Variants in LSR observed in about 807,000 individuals in gnomAD.
The protein encoded by LSR is lipolysis stimulated lipoprotein receptor.
Under a neutral mutation model 61.8 loss-of-function variants are expected in LSR, and 44 were observed. The ratio of observed to expected loss-of-function variants is 0.71; its 90% confidence interval spans 0.56 to 0.91. The LOEUF (loss-of-function observed/expected upper bound fraction) is 0.91, where lower values mean the gene tolerates loss of function less well. Among genes scored for constraint, LSR ranks in the 40% least tolerant of loss-of-function variants. LSR has a pLI of 0.00. For synonymous variants in LSR, 397 were observed against 350.6 expected (o/e 1.13, Z -1.48); for missense variants, 911 against 830.5 (o/e 1.10, Z -1.19).
chr19:35,259,204 CCA>C, intron 3 of LSR, 140 bp downstream of exon 3: 1 of 1,136,330 alleles, frequency 8.8e-7, no homozygotes, highest in Non-Finnish European at 1.2e-6. Flanking sequence ...CCAGGCTCTG[CCA>C]GTCACTTAGG....
At chr19:35,259,705 A>G (rs1344070134) in intron 3 of LSR, among the ~76,000 whole-genome samples, 1 of 151,986 alleles carries the variant, frequency 6.6e-6, no homozygotes, top group African/African-American at 2.4e-5. Flanking sequence ...ATGGTGTGCA[A>G]AATCGACCCA....
rs757095036 is a variant in LSR, at chr19:35,249,044, C to T, written c.22C>T (p.Leu8Phe). ...CGCGATGGCGCTGTTGGCCGGCGGG[C>T]TCTCCAGAGGGCTGGGCTCCCACCC... MALLAGG[L>F]SRGLGSHPAA... The change falls in exon 1 of 10, where the codon CTC (leucine) becomes TTC (phenylalanine). Residue 8 changes from leucine (L) to phenylalanine (F), a missense_variant. By Grantham distance (22) the Leu-to-Phe change is conservative (BLOSUM62 0). Transcript: ENST00000605618. The T allele has an allele frequency of 5.0e-6, 8 of 1,590,722 alleles. No homozygotes were observed. The East Asian group carries it at 1.4e-4, about 27-fold the overall frequency.
Position 35,249,033 on chromosome 19 carries a change from T to C in LSR, c.11T>C (p.Leu4Ser), listed in dbSNP as rs766929220. 6 of 1,598,820 alleles carry C rather than the reference T, an allele frequency of 3.8e-6. No individual in the cohort carries two copies. The African/African-American group carries it at 4.0e-5, about 11-fold the overall frequency. ...GCCCAGACGGCCGCGATGGCGCTGT[T>C]GGCCGGCGGGCTCTCCAGAGGGCTG... MALLAGGLSRGLGS... is the reference protein window; with the variant it reads MALSAGGLSRGLGS... Residue 4 changes from leucine to serine, a missense_variant, in exon 1 of 10, where the codon TTG becomes TCG. Transcript: ENST00000605618.
intron 2 of LSR, 73 bp downstream of exon 2, chr19:35,250,732 T>C: frequency 8.3e-7 from 1 of 1,197,920 alleles, no homozygotes; most frequent in Non-Finnish European, 1.1e-6. Context: ...GTGCGGGACC[T>C]GGAGTCCCCA....
At chr19:35,260,855 C>CAT (rs1491166930) in intron 3 of LSR, among the ~76,000 whole-genome samples, 2 of 151,738 alleles carry the variant, frequency 1.3e-5, no homozygotes, top group African/African-American at 4.8e-5. Context: ...CACACACACA[C>CAT]GCATATAGTC....
In LSR at chr19:35,266,416, C is replaced by T. The variant is rs775389479; in HGVS notation, c.836C>T (p.Thr279Ile). 1 of 1,611,620 alleles carries T rather than the reference C, an allele frequency of 6.2e-7. No individual in the cohort carries two copies. Among genetic ancestry groups the T allele is most frequent in the East Asian group, 2.2e-5 (1 of 44,874 alleles). ...GTTCCCAGCATTTATGCCCCCAGCA[C>T]CTATGCCCACCTGTCTCCCGCCAAG... ...SGVPSIYAPS[T>I]YAHLSPAKTP... is the part of the protein sequence containing the mutation. Residue 279 changes from threonine to isoleucine, a missense_variant, in exon 6 of 10, where the codon ACC becomes ATC. By Grantham distance (89) the Thr-to-Ile change is moderately conservative (BLOSUM62 -1). Coordinates refer to ENST00000605618, the MANE Select transcript of LSR (RefSeq NM_205834.4).
Position 35,250,583 on chromosome 19 carries a change from G to A in LSR, c.378G>A (p.Arg126=), listed in dbSNP as rs372440043. The change falls in exon 2 of 10, where the codon AGG becomes AGA. Residue 126 remains arginine (R), a synonymous_variant. Transcript: ENST00000605618. The stretch of plus-strand genomic sequence containing the variant: ...GCCAGGACAGCGTGCGCACCGTCAG[G>A]GTCGTGGCCACCAAGCAGGGCAACG... ...VECQDSVRTV[R]VVATKQGNAV... The A allele has an allele frequency of 3.7e-6, 6 of 1,611,996 alleles. No homozygotes were observed. The highest frequency in any genetic ancestry group is 2.2e-5 in the South Asian group (2 of 90,928).
chr19:35,250,190 C>A (rs1599587604), intron 1 of LSR, 125 bp from the exon 2 acceptor site: 1 of 590,900 alleles, frequency 1.7e-6, no homozygotes, highest in East Asian at 2.9e-5. Context: ...AATTAAGGAA[C>A]AATGTGTGCC....
At chr19:35,262,314 T>C (rs998137749) in intron 4 of LSR, among the ~76,000 whole-genome samples, 1 of 152,012 alleles carries the variant, frequency 6.6e-6, no homozygotes, top group African/African-American at 2.4e-5. Context: ...CTGCCTTGTG[T>C]TTTTTGCACC....
intron 5 of LSR, chr19:35,264,548 A>C (rs2065972461): frequency 6.6e-6 from 1 of 152,316 alleles, no homozygotes; most frequent in Non-Finnish European, 1.5e-5. Context: ...CGGGGACCAC[A>C]GCTGTTGCCA....
rs775065591 is a variant in LSR at position 35,267,005 on chromosome 19, G to T, written c.1144+38G>T. The T allele has an allele frequency of 1.7e-5, 27 of 1,583,334 alleles. 1 individual carries two copies. The South Asian group carries it at 2.3e-4, about 14-fold the overall frequency. On this transcript the variant is annotated intron_variant, in intron 8 of 9. Coordinates refer to ENST00000605618, the MANE Select transcript of LSR (RefSeq NM_205834.4). The stretch of plus-strand genomic sequence containing the variant: ...CTTGGGGTCTGAGGGCTTTTAAGGT[G>T]GGGGGGTGAAACATGTCTCCCTGAT...
At chr19:35,250,757 A>T in intron 2 of LSR, 98 bp downstream of exon 2, 2 of 836,370 alleles carry the variant, frequency 2.4e-6, no homozygotes, top group Non-Finnish European at 3.6e-6. Flanking sequence ...AAAGCTCTTG[A>T]GTGCCAGTGT....
rs912336484 is a variant in LSR, at chr19:35,249,390, A to G, written c.109+259A>G. ...GACGGTGAGACCCGGAGCGGCAGGG[A>G]GAATGGAACTCTTTGTGGGGAGGGA... On this transcript the variant is annotated intron_variant, in intron 1 of 9. Coordinates refer to ENST00000605618, the MANE Select transcript of LSR (RefSeq NM_205834.4). 14 of 496,552 alleles carry G rather than the reference A, an allele frequency of 2.8e-5. No homozygotes were observed. In the Admixed American group the frequency reaches 5.8e-4, roughly 21 times the overall value. The allele number at this position is 496,552 out of a possible 1,614,324, so 30.8% of individuals were successfully genotyped here.
chr19:35,262,628 GCA>G lies in LSR; in HGVS notation c.718_719del (p.Thr240LeufsTer73). On this transcript the variant is annotated frameshift_variant, in exon 5 of 10. Transcript: ENST00000605618. LOFTEE classifies it high-confidence loss of function. Reference protein sequence around the residue: ...LGICWCQCCPHTCCCYVRCPC... With the variant: ...LGICWCQCCPXTCCCYVRCPC... The stretch of plus-strand genomic sequence containing the variant: ...GCATCTGCTGGTGCCAGTGCTGCCC[GCA>G]CACTTGCTGCTGCTACGTCAGGTGC... 6.2e-7 allele frequency: 1 copy of G among 1,614,088 alleles called. No individual in the cohort carries two copies. The highest frequency in any genetic ancestry group is 8.5e-7 in the Non-Finnish European group (1 of 1,180,014).
intron 2 of LSR, chr19:35,253,459 G>A (rs970750234): frequency 4.6e-5 from 7 of 152,880 alleles, no homozygotes; most frequent in African/African-American, 1.7e-4. Flanking sequence ...CAGGGTGCCA[G>A]GGATGAAGGC....
At chr19:35,264,324 CTA>C (rs1568446884) in intron 5 of LSR, 1 of 152,074 alleles carries the variant, frequency 6.6e-6, no homozygotes, top group African/African-American at 2.4e-5. Context: ...GGACCTAACT[CTA>C]TGAGAGGAGT....
intron 2 of LSR, 137 bp downstream of exon 2, chr19:35,250,796 T>TC (rs2145490514): frequency 9.4e-6 from 1 of 105,996 alleles, no homozygotes; most frequent in Non-Finnish European, 1.7e-5. Flanking sequence ...GGAGCAATTC[T>TC]TTTTTTTTTT....
At chr19:35,262,473 A>G (rs946574115) in intron 4 of LSR, 73 bp from the exon 5 acceptor site, 7 of 1,551,670 alleles carry the variant, frequency 4.5e-6, no homozygotes, top group Non-Finnish European at 6.2e-6. Context: ...GCTCCGCACC[A>G]TGTACCCCTG....
intron 1 of LSR, chr19:35,249,497 A>C: frequency 7.4e-6 from 2 of 268,718 alleles, no homozygotes; most frequent in Non-Finnish European, 1.4e-5. Flanking sequence ...TTTTGGAGTA[A>C]CGGGGAGAGG....
Sources: gnomAD v4.1 joint callset for allele counts (sites outside exome capture counted in the v4.1 genomes callset) on GRCh38, gnomAD v4.1.1 for gene constraint, MANE v1.5 for transcripts, NCBI Gene and HGNC (gene_info 2026-07-23, HGNC 2026-07-21) for gene names.